Variants in LRRC59 observed in about 807,000 individuals in gnomAD.
The protein encoded by LRRC59 is leucine-rich repeat-containing protein 59.
A neutral mutation model predicts 33.5 loss-of-function variants in LRRC59; 18 were observed. The observed-to-expected ratio is 0.54, with a 90% CI of 0.37 to 0.80. LRRC59 has a LOEUF of 0.80. Ranked by LOEUF, LRRC59 falls within the 30% of genes least tolerant of loss-of-function variation. The probability of loss-of-function intolerance (pLI) is 0.00; values close to 1 mark genes in which losing one functional copy is unlikely to be tolerated. For missense variants in LRRC59, 330 were observed against 391.9 expected, an observed-to-expected ratio of 0.84 and a Z score of 1.33; for synonymous variants, 138 against 160.0, an observed-to-expected ratio of 0.86 and a Z score of 1.04.
chr17:50,394,573 G>T (rs1214250805), intron 2 of LRRC59, among the ~76,000 whole-genome samples: 1 of 152,128 alleles, frequency 6.6e-6, no homozygotes, highest in East Asian at 1.9e-4. Context: ...TTACAAAATG[G>T]TCTCTAGCAT....
At position 50,392,452 on chromosome 17, in the gene LRRC59, G is replaced by A. The variant is rs1343310548; in HGVS notation, c.375C>T (p.Ala125=). The A allele has an allele frequency of 3.1e-6, 5 of 1,614,116 alleles. No homozygotes were observed. Among genetic ancestry groups the A allele is most frequent in the South Asian group, 1.1e-5 (1 of 91,082 alleles). The change falls in exon 4 of 7, where the codon GCC becomes GCT. Residue 125 remains alanine (A), a synonymous_variant. Transcript: ENST00000225972. ...CATCCAAGCAGTCACCTGCCACCTT[G>A]GCCAGGACAGGATCCAGGGGGTTAT... The part of the protein sequence containing the change: ...LKDNPLDPVL[A]KVAGDCLDEK...
chr17:50,385,511 T>G (rs1350587724), intron 5 of LRRC59, among the ~76,000 whole-genome samples: 1 of 152,144 alleles, frequency 6.6e-6, no homozygotes, highest in East Asian at 1.9e-4. Flanking sequence ...ATTACGAGGT[T>G]CCTATCCTCA....
intron 1 of LRRC59, among the ~76,000 whole-genome samples, chr17:50,395,418 A>G (rs535511781): frequency 6.6e-6 from 1 of 151,754 alleles, no homozygotes; most frequent in South Asian, 2.1e-4. Flanking sequence ...TTAGATTCTT[A>G]GACATTATTC....
At position 50,392,906 on chromosome 17, in the gene LRRC59, CAA is replaced by C. The variant is rs1567822355; in HGVS notation, c.166-11_166-10del. The C allele has an allele frequency of 6.2e-7, 1 of 1,611,002 alleles. No individual in the cohort carries two copies. Among genetic ancestry groups the C allele is most frequent in the Non-Finnish European group, 8.5e-7 (1 of 1,177,400 alleles). On this transcript the variant is annotated splice_polypyrimidine_tract_variant and intron_variant, in intron 2 of 6. Transcript: ENST00000225972. Reference sequence around the variant, plus strand: ...AGGCCACAGAAATCCGACTAGGATCCAAAGAGAGAACCTAAGCTAGGCTTGTC... The same window carrying C: ...AGGCCACAGAAATCCGACTAGGATCCAGAGAGAACCTAAGCTAGGCTTGTC...
In LRRC59 at chr17:50,392,788, A is replaced by C; in HGVS notation, c.275T>G (p.Leu92Arg). 1 of 1,614,162 alleles carries C rather than the reference A, an allele frequency of 6.2e-7. No individual in the cohort carries two copies. The highest frequency in any genetic ancestry group is 8.5e-7 in the Non-Finnish European group (1 of 1,180,030). ...CAAGGTGACCAGCTTGTTGTTGAGG[A>C]GATCCAGGTGCTGGAGGTTGACCAG... ...GRLVNLQHLD[L>R]LNNKLVTLPV... The change falls in exon 3 of 7, where the codon CTC becomes CGC. Residue 92 changes from leucine (L) to arginine (R), a missense_variant. Transcript: ENST00000225972.
rs748725139 is a variant in LRRC59 at position 50,388,144 on chromosome 17, A to G, written c.430-12T>C. Reference sequence around the variant, plus strand: ...ATGTGCTGTAACACCTGCAAAGGAAAAGGAGGAAAGTAGTGCTCTTCATAG... The same window carrying G: ...ATGTGCTGTAACACCTGCAAAGGAAGAGGAGGAAAGTAGTGCTCTTCATAG... On this transcript the variant is annotated splice_polypyrimidine_tract_variant and intron_variant, in intron 4 of 6. Transcript: ENST00000225972. 1 of 1,613,630 alleles carries G rather than the reference A, an allele frequency of 6.2e-7. No homozygotes were observed. The highest frequency in any genetic ancestry group is 1.1e-5 in the South Asian group (1 of 91,078).
rs576412891 is a variant in LRRC59, at chr17:50,385,604, A to G, written c.503-313T>C. On this transcript the variant is annotated intron_variant, in intron 5 of 6. Transcript: ENST00000225972. ...AAGTGGTGCTCCTCTAGAATTAGGT[A>G]CTAACTCAGAAGGCATAGCAACTGA... Among the ~76,000 whole-genome samples the G allele has an allele frequency of 2.5e-4, 38 of 152,310 alleles. No homozygotes were observed. In the South Asian group the frequency reaches 7.9e-3, roughly 32 times the overall value.
Position 50,393,167 on chromosome 17 carries a change from G to A in LRRC59, c.166-270C>T, listed in dbSNP as rs16949033. 6.9e-3 allele frequency among the ~76,000 whole-genome samples: 1,050 copies of A among 152,236 alleles called. 11 individuals carry two copies. The highest frequency in any genetic ancestry group is 0.024 in the African/African-American group (989 of 41,528). On this transcript the variant is annotated intron_variant, in intron 2 of 6. Transcript: ENST00000225972. ...CAGTCTGGAAGCCCTCAAGTCAGAG[G>A]TACCCCATGTAAAAATCCTGGCTCT...
At chr17:50,388,965 GCA>G (rs1914077714) in intron 4 of LRRC59, among the ~76,000 whole-genome samples, 1 of 152,198 alleles carries the variant, frequency 6.6e-6, no homozygotes, top group African/African-American at 2.4e-5. Context: ...GGCGTGGCTA[GCA>G]CAGAGTTTAG....
At position 50,388,064 on chromosome 17, in the gene LRRC59, T is replaced by G; in HGVS notation, c.498A>C (p.Glu166Asp). The G allele has an allele frequency of 6.2e-7, 1 of 1,614,176 alleles. No individual in the cohort carries two copies. Among genetic ancestry groups the G allele is most frequent in the Non-Finnish European group, 8.5e-7 (1 of 1,180,026 alleles). Residue 166 changes from glutamate (E) to aspartate (D), a missense_variant, in exon 5 of 7, where the codon GAA (glutamate) becomes GAC (aspartate). Glu to Asp is a conservative substitution (Grantham distance 45). Coordinates refer to ENST00000225972, the MANE Select transcript of LRRC59 (RefSeq NM_018509.4). ...ERERQRRLEV[E>D]REAEKKREAK... ...ACAAGAGGGACAGCCACCTACCACG[T>G]TCTACTTCCAGCCGCCGCTGCCTCT... is the stretch of plus-strand genomic sequence containing the variant.
At position 50,381,357 on chromosome 17, in the gene LRRC59, G is replaced by A. The variant is rs997137265; in HGVS notation, c.*1631C>T. The A allele has an allele frequency of 2.0e-5, 4 of 200,278 alleles. No individual in the cohort carries two copies. Among genetic ancestry groups the A allele is most frequent in the South Asian group, 9.8e-5 (1 of 10,176 alleles). The allele number at this position is 200,278 out of a possible 1,614,324, so 12.4% of individuals were successfully genotyped here. ...GCTCAGCCACTGAGCTGCCTCAACCGGCCAAGGAACGGGATTATGATGACT... is the reference window on the plus strand; with the variant it reads ...GCTCAGCCACTGAGCTGCCTCAACCAGCCAAGGAACGGGATTATGATGACT... On this transcript the variant is annotated 3_prime_UTR_variant, in exon 7 of 7. Transcript: ENST00000225972.
At position 50,383,043 on chromosome 17, in the gene LRRC59, C is replaced by T. The variant is rs1338597815; in HGVS notation, c.869G>A (p.Gly290Asp). The T allele has an allele frequency of 6.2e-7, 1 of 1,612,786 alleles. No homozygotes were observed. The highest frequency in any genetic ancestry group is 2.2e-5 in the East Asian group (1 of 44,884). The change falls in exon 7 of 7, where the codon GGT (glycine) becomes GAT (aspartate). Residue 290 changes from glycine (G) to aspartate (D), a missense_variant. Transcript: ENST00000225972. ...CTGGAGGATCTCATGGCGGCGTAGACCCTGGACCGCATTGTCATAGATGGT... is the reference window on the plus strand; with the variant it reads ...CTGGAGGATCTCATGGCGGCGTAGATCCTGGACCGCATTGTCATAGATGGT... Reference protein sequence around the residue: ...VNTIYDNAVQGLRRHEILQWV... With the variant: ...VNTIYDNAVQDLRRHEILQWV...
rs115437249 is a variant in LRRC59 at position 50,397,474 on chromosome 17, C to T, written c.-157G>A. Reference sequence around the variant, plus strand: ...CCGCCTCCGCCCGCTGGCCGCACTCCGAGCCTCGCGCCTAGCTCCCACCGG... The same window carrying T: ...CCGCCTCCGCCCGCTGGCCGCACTCTGAGCCTCGCGCCTAGCTCCCACCGG... On this transcript the variant is annotated 5_prime_UTR_variant, in exon 1 of 7. Transcript: ENST00000225972. The T allele has an allele frequency of 1.9e-6, 1 of 529,872 alleles. No homozygotes were observed. Among genetic ancestry groups the T allele is most frequent in the African/African-American group, 2.0e-5 (1 of 49,704 alleles). The allele number at this position is 529,872 out of a possible 1,614,324, so 32.8% of individuals were successfully genotyped here.
At chr17:50,395,731 C>A (rs1237514644) in intron 1 of LRRC59, among the ~76,000 whole-genome samples, 4 of 152,030 alleles carry the variant, frequency 2.6e-5, no homozygotes, top group African/African-American at 4.8e-5. Flanking sequence ...CTGACCAACA[C>A]GGAGAAACCC....
intron 2 of LRRC59, among the ~76,000 whole-genome samples, chr17:50,393,428 A>C (rs937611428): frequency 2.6e-5 from 4 of 152,160 alleles, no homozygotes; most frequent in Admixed American, 6.5e-5. Flanking sequence ...CTGTCAAAAC[A>C]GCGTGCTCGT....
chr17:50,395,100 T>G, intron 1 of LRRC59, 112 bp from the exon 2 acceptor site: 1 of 691,964 alleles, frequency 1.4e-6, no homozygotes, highest in Non-Finnish European at 2.6e-6. Flanking sequence ...GAAAGGCCTT[T>G]TAAAATGGCA....
chr17:50,383,047 G>C lies in LRRC59; in HGVS notation c.865C>G (p.Gln289Glu). 3 of 1,612,882 alleles carry C rather than the reference G, an allele frequency of 1.9e-6. No homozygotes were observed. The highest frequency in any genetic ancestry group is 2.5e-6 in the Non-Finnish European group (3 of 1,180,012). Residue 289 changes from glutamine to glutamate, a missense_variant, in exon 7 of 7, where the codon CAG (glutamine) becomes GAG (glutamate). Coordinates refer to ENST00000225972, the MANE Select transcript of LRRC59 (RefSeq NM_018509.4). ...AGGATCTCATGGCGGCGTAGACCCT[G>C]GACCGCATTGTCATAGATGGTGTTC... ...SVNTIYDNAV[Q>E]GLRRHEILQW...
Position 50,397,242 on chromosome 17 carries a change from C to A in LRRC59, c.76G>T (p.Asp26Tyr). ...TCCTTCACCGGGACCTCATTCAGGTCGCTGAGGCTCAGGTCCAGTTCGTTG... is the reference window on the plus strand; with the variant it reads ...TCCTTCACCGGGACCTCATTCAGGTAGCTGAGGCTCAGGTCCAGTTCGTTG... ...DGNELDLSLS[D>Y]LNEVPVKELA... Residue 26 changes from aspartate (D) to tyrosine (Y), a missense_variant, in exon 1 of 7, where the codon GAC becomes TAC. Physicochemically the swap from Asp to Tyr is radical, Grantham distance 160. Transcript: ENST00000225972. 1.2e-6 allele frequency: 2 copies of A among 1,605,746 alleles called. No individual in the cohort carries two copies. Among genetic ancestry groups the A allele is most frequent in the South Asian group, 1.1e-5 (1 of 89,882 alleles).
intron 4 of LRRC59, among the ~76,000 whole-genome samples, chr17:50,389,111 C>T (rs1914080377): frequency 6.6e-6 from 1 of 152,214 alleles, no homozygotes; most frequent in African/African-American, 2.4e-5. Context: ...TGAGCACAGT[C>T]CCCTGCATTC....
Sources: allele counts gnomAD v4.1 joint callset (sites outside exome capture counted in the v4.1 genomes callset), GRCh38; gene constraint gnomAD v4.1.1; transcripts MANE v1.5; gene names NCBI Gene and HGNC (gene_info 2026-07-23, HGNC 2026-07-21).